Variants in KIFC3 observed in about 807,000 individuals in gnomAD.
KIFC3 encodes kinesin-like protein KIFC3.
KIFC3 carries 60 observed loss-of-function variants against 101.8 expected under a neutral mutation model. That is an observed-to-expected ratio of 0.59 (90% CI 0.48 to 0.73). The LOEUF (loss-of-function observed/expected upper bound fraction) is 0.73. Among genes scored for constraint, KIFC3 ranks in the 30% least tolerant of loss-of-function variants. The probability of loss-of-function intolerance (pLI) is 0.00; values close to 1 mark genes in which losing one functional copy is unlikely to be tolerated. For missense variants in KIFC3, 966 were observed against 1,137.1 expected (o/e 0.85, Z 2.16); for synonymous variants, 476 against 482.7 (o/e 0.99, Z 0.18).
chr16:57,849,867 C>T lies in KIFC3; in HGVS notation c.108+12862G>A, dbSNP rs532297256. Among the ~76,000 whole-genome samples the T allele has an allele frequency of 1.8e-4, 28 of 152,192 alleles. No homozygotes were observed. The East Asian group carries it at 4.8e-3, about 26-fold the overall frequency. On this transcript the variant is annotated intron_variant, in intron 1 of 2. Coordinates refer to the KIFC3 transcript ENST00000563028. ...GCAGTGAGCCGAGATCATGCCACTG[C>T]ACTCCAGCCTGGGCAACAAGAGCAA...
intron 3 of KIFC3, among the ~76,000 whole-genome samples, chr16:57,785,055 G>C (rs935177026): frequency 6.6e-6 from 1 of 152,222 alleles, no homozygotes; most frequent in African/African-American, 2.4e-5. Context: ...CCTGTGGGGT[G>C]ACCATCTGAT....
At chr16:57,800,672 A>G (rs1329626126) in intron 1 of KIFC3, among the ~76,000 whole-genome samples, 1 of 152,144 alleles carries the variant, frequency 6.6e-6, no homozygotes, top group Non-Finnish European at 1.5e-5. Flanking sequence ...GAAGTGGAGG[A>G]GGCAGCCAGG....
At chr16:57,827,784 C>A (rs1425661265) in intron 1 of KIFC3, among the ~76,000 whole-genome samples, 1 of 152,176 alleles carries the variant, frequency 6.6e-6, no homozygotes, top group African/African-American at 2.4e-5. Flanking sequence ...ATTTCTGGAA[C>A]CCCATGCCAG....
intron 1 of KIFC3, chr16:57,798,613 C>T (rs768289967): frequency 7.2e-6 from 3 of 415,900 alleles, no homozygotes; most frequent in East Asian, 5.1e-5. Flanking sequence ...GAGGAGGCAC[C>T]GCGAGTCAGC....
chr16:57,758,988 G>A, intron 19 of KIFC3, 79 bp from the exon 20 acceptor site: 1 of 1,539,496 alleles, frequency 6.5e-7, no homozygotes, highest in Non-Finnish European at 8.7e-7. Flanking sequence ...AGAGCAGGAG[G>A]GAACCCAGCA....
At chr16:57,824,179 G>C (rs868972664) in intron 1 of KIFC3, among the ~76,000 whole-genome samples, 1 of 152,112 alleles carries the variant, frequency 6.6e-6, no homozygotes, top group Admixed American at 6.6e-5. Flanking sequence ...CCTAATTGCA[G>C]GCAAGCTTTG....
At chr16:57,783,732 C>G (rs1451314364) in intron 3 of KIFC3, among the ~76,000 whole-genome samples, 1 of 152,126 alleles carries the variant, frequency 6.6e-6, no homozygotes, top group South Asian at 2.1e-4. Flanking sequence ...CTCTGCTTCC[C>G]AAAATGCTGG....
intron 1 of KIFC3, among the ~76,000 whole-genome samples, chr16:57,860,092 T>TAAAAA (rs201448589): frequency 1.3e-4 from 16 of 127,344 alleles, no homozygotes; most frequent in African/African-American, 3.2e-4. Context: ...TAAAATAAAA[T>TAAAAA]AAAAACAAGT....
At chr16:57,767,514 AAGTGTATAC>A (rs2050624143) in intron 9 of KIFC3, among the ~76,000 whole-genome samples, 3 of 152,238 alleles carry the variant, frequency 2.0e-5, no homozygotes, top group South Asian at 2.1e-4. Flanking sequence ...AGTAGAAGGG[AAGTGTATAC>A]AGTGTATACA....
At chr16:57,786,214 T>C (rs2053305854) in intron 3 of KIFC3, among the ~76,000 whole-genome samples, 1 of 151,994 alleles carries the variant, frequency 6.6e-6, no homozygotes, top group Non-Finnish European at 1.5e-5. Context: ...GCCCCACACA[T>C]GGAGCAAGAA....
intron 4 of KIFC3, 100 bp downstream of exon 4, chr16:57,772,123 G>T: frequency 1.0e-6 from 1 of 998,580 alleles, no homozygotes; most frequent in Non-Finnish European, 1.5e-6. Context: ...GGGATATGCG[G>T]GCTCAGGAGA....
chr16:57,765,745 GAC>G, intron 10 of KIFC3, 105 bp from the exon 11 acceptor site: 1 of 1,107,946 alleles, frequency 9.0e-7, no homozygotes, highest in Non-Finnish European at 1.3e-6. Flanking sequence ...GGAGTCCCCT[GAC>G]TTTTAAGCAC....
upstream of KIFC3, chr16:57,802,581 G>A (rs1478711771): frequency 1.9e-4 from 186 of 992,224 alleles, no homozygotes; most frequent in Non-Finnish European, 2.2e-4. The surrounding 1 kb of genome is among the most constrained non-coding windows in gnomAD (Gnocchi z 5.0). Context: ...GCGGCGGCGC[G>A]CGCCCGCACT....
chr16:57,797,961 T>A, intron 2 of KIFC3, 111 bp downstream of exon 2: 1 of 1,543,800 alleles, frequency 6.5e-7, no homozygotes, highest in East Asian at 2.5e-5. Flanking sequence ...TACCCTGTAA[T>A]TACCTGACAG....
At chr16:57,838,646 G>A (rs985232986) in intron 1 of KIFC3, among the ~76,000 whole-genome samples, 3 of 152,222 alleles carry the variant, frequency 2.0e-5, no homozygotes, top group Non-Finnish European at 4.4e-5. Flanking sequence ...GAAAGAACGA[G>A]CTGAAATTGA....
rs532856772 is a variant in KIFC3 at position 57,774,998 on chromosome 16, C to T, written c.316-2710G>A. The T allele has an allele frequency of 9.5e-4, 1,455 of 1,533,858 alleles. 5 individuals carry two copies. The highest frequency in any genetic ancestry group is 1.3e-3 in the Middle Eastern group (8 of 5,974). On this transcript the variant is annotated intron_variant, in intron 3 of 19. Coordinates refer to ENST00000445690, the MANE Select transcript of KIFC3 (RefSeq NM_001130100.2). Reference sequence around the variant, plus strand: ...CACTAACCTTGATCATCTCCACTGCCGCCCCTGCCAGGCACTCAGACCCTG... The same window carrying T: ...CACTAACCTTGATCATCTCCACTGCTGCCCCTGCCAGGCACTCAGACCCTG...
intron 10 of KIFC3, 66 bp downstream of exon 10, chr16:57,766,808 G>A: frequency 9.1e-7 from 1 of 1,097,250 alleles, no homozygotes; most frequent in Non-Finnish European, 1.4e-6. Context: ...TGAGCTCCAA[G>A]CATGACTGCC....
intron 1 of KIFC3, among the ~76,000 whole-genome samples, chr16:57,842,920 G>A (rs1422676195): frequency 6.6e-6 from 1 of 152,124 alleles, no homozygotes; most frequent in Non-Finnish European, 1.5e-5. Context: ...TCGCCTGAGG[G>A]ACAGGAGTTT....
chr16:57,800,852 G>GA (rs1354978484), intron 1 of KIFC3, among the ~76,000 whole-genome samples: 1 of 152,194 alleles, frequency 6.6e-6, no homozygotes, highest in Non-Finnish European at 1.5e-5. Context: ...CATCTGAGAT[G>GA]AAACCTGGTG....
Sources: allele counts gnomAD v4.1 joint callset (sites outside exome capture counted in the v4.1 genomes callset), GRCh38; gene constraint gnomAD v4.1.1; non-coding constraint Gnocchi (gnomAD v3.1); transcripts MANE v1.5; gene names NCBI Gene and HGNC (gene_info 2026-07-23, HGNC 2026-07-21).